ANO8: variants seen among roughly 807,000 people sequenced by gnomAD.
The protein encoded by ANO8 is anoctamin 8.
Under a neutral mutation model 120.4 loss-of-function variants are expected in ANO8, and 67 were observed. That is an observed-to-expected ratio of 0.56 (90% CI 0.46 to 0.68). The LOEUF (loss-of-function observed/expected upper bound fraction) is 0.68. Ranked by LOEUF, ANO8 falls within the 30% of genes least tolerant of loss-of-function variation. The pLI, the probability that ANO8 is intolerant of heterozygous loss-of-function variation, is 0.00. For missense variants in ANO8, 1,526 were observed against 1,737.6 expected (o/e 0.88, Z 2.16); for synonymous variants, 727 against 759.2 (o/e 0.96, Z 0.70).
chr19:17,323,311 C>CTCTGTG lies in ANO8; in HGVS notation c.*205_*206insCACAGA, dbSNP rs142385187. The CTCTGTG allele has an allele frequency of 4.9e-5, 16 of 327,488 alleles. No individual in the cohort carries two copies. Among genetic ancestry groups the CTCTGTG allele is most frequent in the East Asian group, 3.5e-4 (8 of 22,862 alleles). The allele number at this position is 327,488 out of a possible 1,614,324, so 20.3% of individuals were successfully genotyped here. A position where few individuals can be genotyped will look rare whatever the true frequency, so the allele number is the denominator to read the frequency against. On this transcript the variant is annotated 3_prime_UTR_variant, in exon 18 of 18. Coordinates refer to ENST00000159087, the MANE Select transcript of ANO8 (RefSeq NM_020959.3). ...AAAAACAAATAAATAATCGCCTGTTCTGTGTGTGTGTGTGTGTGTGTGTGT... is the reference window on the plus strand; with the variant it reads ...AAAAACAAATAAATAATCGCCTGTTCTCTGTGTGTGTGTGTGTGTGTGTGTGTGTGT...
In ANO8 at chr19:17,327,677, G is replaced by T. The variant is rs1345181555; in HGVS notation, c.2418+12C>A. ...TCTGGGCCTCAGCTCGGATCTCTTG[G>T]CTTCCCCCCACCTGCCACTGGCCGA... On this transcript the variant is annotated intron_variant, in intron 14 of 17. Transcript: ENST00000159087. 1 of 1,611,268 alleles carries T rather than the reference G, an allele frequency of 6.2e-7. No homozygotes were observed. Among genetic ancestry groups the T allele is most frequent in the South Asian group, 1.1e-5 (1 of 90,888 alleles).
Position 17,331,171 on chromosome 19 carries a change from C to T in ANO8, c.748G>A (p.Ala250Thr), listed in dbSNP as rs760607317. The T allele has an allele frequency of 5.0e-6, 8 of 1,614,038 alleles. No homozygotes were observed. Among genetic ancestry groups the T allele is most frequent in the South Asian group, 4.4e-5 (4 of 91,086 alleles). The change falls in exon 7 of 18, where the codon GCC becomes ACC. Residue 250 changes from alanine (A) to threonine (T), a missense_variant. By Grantham distance (58) the Ala-to-Thr change is moderately conservative (BLOSUM62 0). Coordinates refer to ENST00000159087, the MANE Select transcript of ANO8 (RefSeq NM_020959.3). ...GCCGACGTGTAGAAGCCCAGCCAGGCGAAGTACATGGCAATTTTCACACCA... is the reference window on the plus strand; with the variant it reads ...GCCGACGTGTAGAAGCCCAGCCAGGTGAAGTACATGGCAATTTTCACACCA... The part of the protein sequence containing the change: ...YFGVKIAMYF[A>T]WLGFYTSAMV...
rs759924273 is a variant in ANO8 at position 17,330,476 on chromosome 19, C to T, written c.1022G>A (p.Arg341Gln). 17 of 1,548,854 alleles carry T rather than the reference C, an allele frequency of 1.1e-5. No individual in the cohort carries two copies. The highest frequency in any genetic ancestry group is 8.2e-5 in the African/African-American group (6 of 73,086). ...RGVRRISPITRAEEFYYPPWK... is the reference protein window; with the variant it reads ...RGVRRISPITQAEEFYYPPWK... ...GGGCGGGTAGTAGAACTCCTCGGCCCGCGTGATGGGGCTGATACGTCGCAC... is the reference window on the plus strand; with the variant it reads ...GGGCGGGTAGTAGAACTCCTCGGCCTGCGTGATGGGGCTGATACGTCGCAC... The change falls in exon 9 of 18, where the codon CGG becomes CAG. Residue 341 changes from arginine (R) to glutamine (Q), a missense_variant. Coordinates refer to ENST00000159087, the MANE Select transcript of ANO8 (RefSeq NM_020959.3).
At position 17,334,822 on chromosome 19, in the gene ANO8, G is replaced by A; in HGVS notation, c.-152C>T. On this transcript the variant is annotated 5_prime_UTR_variant, in exon 1 of 18. Transcript: ENST00000159087. Reference sequence around the variant, plus strand: ...CTCGGTCCTCGCTCGCCCGAGCGCTGCTTCTCGTCCCCGCCCGAGCCGAAC... The same window carrying A: ...CTCGGTCCTCGCTCGCCCGAGCGCTACTTCTCGTCCCCGCCCGAGCCGAAC... 1 of 1,244,778 alleles carries A rather than the reference G, an allele frequency of 8.0e-7. No homozygotes were observed. The highest frequency in any genetic ancestry group is 1.1e-6 in the Non-Finnish European group (1 of 933,056). The allele number at this position is 1,244,778 out of a possible 1,614,324, so 77.1% of individuals were successfully genotyped here.
rs773328339 is a variant in ANO8 at position 17,333,719 on chromosome 19, T to C, written c.188A>G (p.Glu63Gly). The C allele has an allele frequency of 1.2e-6, 2 of 1,607,584 alleles. No individual in the cohort carries two copies. Among genetic ancestry groups the C allele is most frequent in the Non-Finnish European group, 1.7e-6 (2 of 1,178,112 alleles). The stretch of plus-strand genomic sequence containing the variant: ...GAAGGTCATCAGCACGTCGCAGTTC[T>C]CTGTAGGCACCGTCTTCATCCACGC... The part of the protein sequence containing the change: ...HKAWMKTVPT[E>G]NCDVLMTFPD... The change falls in exon 2 of 18, where the codon GAG becomes GGG. Residue 63 changes from glutamate (E) to glycine (G), a missense_variant. By Grantham distance (98) the Glu-to-Gly change is moderately conservative. Around this residue, in one of 8 missense-constraint regions of ANO8, gnomAD observed 322 missense variants for 431.8 expected, o/e 0.75. Coordinates refer to ENST00000159087, the MANE Select transcript of ANO8 (RefSeq NM_020959.3). The surrounding 1 kb of genome is among the most constrained non-coding windows in gnomAD (Gnocchi z 7.2).
chr19:17,332,914 A>G lies in ANO8; in HGVS notation c.586+16T>C, dbSNP rs755066703. ...AACTCTCTGCCTGTGATTGGTGTTG[A>G]CCCCGCCCTGCTCACTGATTGGCTG... On this transcript the variant is annotated intron_variant, in intron 5 of 17. Coordinates refer to ENST00000159087, the MANE Select transcript of ANO8 (RefSeq NM_020959.3). 5.5e-5 allele frequency: 89 copies of G among 1,613,432 alleles called. No individual in the cohort carries two copies. Among genetic ancestry groups the G allele is most frequent in the Non-Finnish European group, 7.1e-5 (84 of 1,179,954 alleles).
At chr19:17,324,351 C>G (rs1357871924) in intron 17 of ANO8, among the ~76,000 whole-genome samples, 2 of 152,050 alleles carry the variant, frequency 1.3e-5, no homozygotes, top group Non-Finnish European at 1.5e-5. Context: ...GCATAGAGGC[C>G]TGGGGGGTCA....
In ANO8 at chr19:17,331,651, G is replaced by GTT. The variant is rs369893061; in HGVS notation, c.587-242_587-241dup. 4.8e-3 allele frequency among the ~76,000 whole-genome samples: 686 copies of GTT among 143,380 alleles called. 5 individuals carry two copies. The highest frequency in any genetic ancestry group is 7.7e-3 in the Admixed American group (112 of 14,452). 94.1% of individuals were successfully genotyped at this position (143,380 alleles called of 152,430 possible). A position where few individuals can be genotyped will look rare whatever the true frequency, so the allele number is the denominator to read the frequency against. On this transcript the variant is annotated intron_variant, in intron 5 of 17. Transcript: ENST00000159087. ...GAGTGGGGTTCTGGTGAGGAACCAT[G>GTT]TTTTTTTTTTTTTTTGAGACAGTCT... is the stretch of plus-strand genomic sequence containing the variant.
rs562266782 is a variant in ANO8 at position 17,330,415 on chromosome 19, G to A, written c.1083C>T (p.Leu361=). 3.2e-6 allele frequency: 5 copies of A among 1,577,840 alleles called. No individual in the cohort carries two copies. Among genetic ancestry groups the A allele is most frequent in the Non-Finnish European group, 4.3e-6 (5 of 1,162,296 alleles). ...AGACGAGGCACGCCAGGCACAGGGG[G>A]AGGCTCACAAGCAGCTGGAAGAGCA... The part of the protein sequence containing the change: ...KRLLFQLLVS[L]PLCLACLVCV... The change falls in exon 9 of 18, where the codon CTC becomes CTT. Residue 361 remains leucine (L), a synonymous_variant. Coordinates refer to ENST00000159087, the MANE Select transcript of ANO8 (RefSeq NM_020959.3).
chr19:17,323,951 C>A, intron 17 of ANO8, 67 bp from the exon 18 acceptor site: 1 of 1,074,772 alleles, frequency 9.3e-7, no homozygotes, highest in East Asian at 6.0e-5. Context: ...GGCTGGCAAC[C>A]CTGCCCGCGC....
rs368046168 is a variant in ANO8 at position 17,330,516 on chromosome 19, C to T, written c.994-12G>A. 26 of 1,500,016 alleles carry T rather than the reference C, an allele frequency of 1.7e-5. No individual in the cohort carries two copies. The highest frequency in any genetic ancestry group is 2.3e-5 in the Non-Finnish European group (26 of 1,119,722). 92.9% of individuals were successfully genotyped at this position (1,500,016 alleles called of 1,614,324 possible). A position where few individuals can be genotyped will look rare whatever the true frequency, so the allele number is the denominator to read the frequency against. ...ATACGTCGCACGCCCTGATGGTGGG[C>T]AAAGACCGGGCCCAGCATGAGCTCA... On this transcript the variant is annotated splice_polypyrimidine_tract_variant and intron_variant, in intron 8 of 17. Coordinates refer to ENST00000159087, the MANE Select transcript of ANO8 (RefSeq NM_020959.3).
chr19:17,329,697 C>G (rs2074302466), intron 12 of ANO8, 60 bp downstream of exon 12: 1 of 1,412,400 alleles, frequency 7.1e-7, no homozygotes, highest in African/African-American at 1.4e-5. Flanking sequence ...TGTGCCGGGT[C>G]TGGCCCCTCG....
In ANO8 at chr19:17,328,986, G is replaced by A. The variant is rs1427464003; in HGVS notation, c.1405-3C>T. Reference sequence around the variant, plus strand: ...GTGATCAGCAGCGTGGCCAGCATCTGGGGGCAGGAAGGGGAAGGAGAGAGG... The same window carrying A: ...GTGATCAGCAGCGTGGCCAGCATCTAGGGGCAGGAAGGGGAAGGAGAGAGG... On this transcript the variant is annotated splice_region_variant and splice_polypyrimidine_tract_variant and intron_variant, in intron 12 of 17. Coordinates refer to ENST00000159087, the MANE Select transcript of ANO8 (RefSeq NM_020959.3). 2.7e-6 allele frequency: 4 copies of A among 1,489,246 alleles called. No individual in the cohort carries two copies. Among genetic ancestry groups the A allele is most frequent in the Middle Eastern group, 2.3e-4 (1 of 4,332 alleles). The allele number at this position is 1,489,246 out of a possible 1,614,324, so 92.3% of individuals were successfully genotyped here. A position where few individuals can be genotyped will look rare whatever the true frequency, so the allele number is the denominator to read the frequency against.
In ANO8 at chr19:17,328,212, A is replaced by G; in HGVS notation, c.2176T>C (p.Ser726Pro). 1.3e-6 allele frequency: 2 copies of G among 1,574,788 alleles called. No homozygotes were observed. Among genetic ancestry groups the G allele is most frequent in the Non-Finnish European group, 1.7e-6 (2 of 1,152,174 alleles). ...AGCTCTGCCTGGGTGAGCTGGGGCG[A>G]GTGTTCCTCCTCCGGCGGGTCAATC... ...SWIDPPEEEH[S>P]PQLTQAELES... Residue 726 changes from serine to proline, a missense_variant, in exon 13 of 18, where the codon TCG becomes CCG. By Grantham distance (74) the Ser-to-Pro change is moderately conservative. Around this residue, in one of 8 missense-constraint regions of ANO8, gnomAD observed 467 missense variants for 425.8 expected, o/e 1.10. Transcript: ENST00000159087.
intron 5 of ANO8, among the ~76,000 whole-genome samples, chr19:17,332,246 T>C (rs1263576992): frequency 1.0e-4 from 7 of 67,812 alleles, no homozygotes; most frequent in African/African-American, 6.6e-4. Context: ...TATTTTTTAC[T>C]TTATTTATTT....
Position 17,334,733 on chromosome 19 carries a change from G to C in ANO8, c.-63C>G, listed in dbSNP as rs532844951. 1 of 1,294,112 alleles carries C rather than the reference G, an allele frequency of 7.7e-7. No homozygotes were observed. The highest frequency in any genetic ancestry group is 3.9e-5 in the Admixed American group (1 of 25,444). 80.2% of individuals were successfully genotyped at this position (1,294,112 alleles called of 1,614,324 possible). A position where few individuals can be genotyped will look rare whatever the true frequency, so the allele number is the denominator to read the frequency against. On this transcript the variant is annotated 5_prime_UTR_variant, in exon 1 of 18. Coordinates refer to ENST00000159087, the MANE Select transcript of ANO8 (RefSeq NM_020959.3). The stretch of plus-strand genomic sequence containing the variant: ...GGGCGACGGGGAGCCGCGGGCTCAT[G>C]GGGCCGGTGCAGCCGCGGAGCGCGC...
intron 5 of ANO8, 27 bp from the exon 6 acceptor site, chr19:17,331,438 C>T (rs1345886281): frequency 1.9e-6 from 3 of 1,601,584 alleles, no homozygotes; most frequent in South Asian, 1.1e-5. Flanking sequence ...ACAGGTGATC[C>T]CCGCCCCTCC....
In ANO8 at chr19:17,324,807, T is replaced by G; in HGVS notation, c.3241A>C (p.Ser1081Arg). 1 of 1,601,190 alleles carries G rather than the reference T, an allele frequency of 6.2e-7. No individual in the cohort carries two copies. Among genetic ancestry groups the G allele is most frequent in the Non-Finnish European group, 8.5e-7 (1 of 1,173,538 alleles). The change falls in exon 17 of 18, where the codon AGT becomes CGT. Residue 1081 changes from serine to arginine, a missense_variant. Transcript: ENST00000159087. ...CTCCTCTGAACCCGGCTGCTGCCAC[T>G]GCTGGGGGTCCCATCTGGCCGGGCC... ...GQARPDGTPS[S>R]GSSRVQRSGP...
rs1228820537 is a variant in ANO8 at position 17,325,284 on chromosome 19, G to A, written c.2764C>T (p.His922Tyr). 3.1e-6 allele frequency: 5 copies of A among 1,607,048 alleles called. No homozygotes were observed. The highest frequency in any genetic ancestry group is 4.2e-6 in the Non-Finnish European group (5 of 1,179,828). ...GCCTCCTCTCGGCCACCAGAATCATGCTCCCGCCGGGCATGGTGCTCTGCA... is the reference window on the plus strand; with the variant it reads ...GCCTCCTCTCGGCCACCAGAATCATACTCCCGCCGGGCATGGTGCTCTGCA... The part of the protein sequence containing the change: ...RHAEHHARRE[H>Y]DSGGREEARA... Residue 922 changes from histidine (H) to tyrosine (Y), a missense_variant, in exon 17 of 18, where the codon CAT (histidine) becomes TAT (tyrosine). Physicochemically the swap from His to Tyr is moderately conservative, Grantham distance 83. Around this residue, in one of 8 missense-constraint regions of ANO8, gnomAD observed 489 missense variants for 548.6 expected, o/e 0.89. Transcript: ENST00000159087.
Sources: allele counts gnomAD v4.1 joint callset (sites outside exome capture counted in the v4.1 genomes callset), GRCh38; gene constraint gnomAD v4.1.1; regional missense constraint gnomAD v4.1.1; non-coding constraint Gnocchi (gnomAD v3.1); transcripts MANE v1.5; gene names NCBI Gene and HGNC (gene_info 2026-07-23, HGNC 2026-07-21).